WDR19: variants seen among roughly 807,000 people sequenced by gnomAD.
WDR19 encodes the protein WD repeat domain 19.
A neutral mutation model predicts 180.0 loss-of-function variants in WDR19; 121 were observed. The observed-to-expected ratio is 0.67, with a 90% CI of 0.58 to 0.78. WDR19 has a LOEUF of 0.78. Among genes scored for constraint, WDR19 ranks in the 30% least tolerant of loss-of-function variants. WDR19 has a pLI of 0.00. For missense variants in WDR19, 1,450 were observed against 1,640.7 expected (o/e 0.88, Z 2.01); for synonymous variants, 497 against 540.7 (o/e 0.92, Z 1.12).
At chr4:39,241,522 G>T (rs1731947016) in intron 21 of WDR19, among the ~76,000 whole-genome samples, 1 of 149,720 alleles carries the variant, frequency 6.7e-6, no homozygotes, top group African/African-American at 2.5e-5. Context: ...TGGGTCCGGG[G>T]CCGGGCACAG....
intron 31 of WDR19, among the ~76,000 whole-genome samples, chr4:39,270,387 T>G (rs527571213): frequency 3.0e-4 from 46 of 152,226 alleles, no homozygotes; most frequent in African/African-American, 1.1e-3. Context: ...TTGTTTTGTT[T>G]TGTTTTTGAG....
intron 17 of WDR19, among the ~76,000 whole-genome samples, chr4:39,229,603 G>A (rs1038129452): frequency 1.1e-4 from 17 of 151,424 alleles, no homozygotes; most frequent in Admixed American, 1.3e-4. Context: ...TTCCTTTGAC[G>A]TTCTAATTCT....
At chr4:39,222,938 T>C (rs1729847652) in intron 14 of WDR19, among the ~76,000 whole-genome samples, 1 of 152,226 alleles carries the variant, frequency 6.6e-6, no homozygotes, top group Non-Finnish European at 1.5e-5. Context: ...TTTTGCCATT[T>C]CAATAATGTG....
intron 27 of WDR19, among the ~76,000 whole-genome samples, chr4:39,256,223 T>C (rs1403178569): frequency 6.6e-6 from 1 of 152,240 alleles, no homozygotes; most frequent in Admixed American, 6.5e-5. Flanking sequence ...CTTCTGATTA[T>C]TGCAGTAGTT....
intron 4 of WDR19, among the ~76,000 whole-genome samples, chr4:39,192,456 C>A (rs564198364): frequency 4.7e-4 from 72 of 152,034 alleles, no homozygotes; most frequent in Non-Finnish European, 8.2e-4. Flanking sequence ...AATTGTAGCA[C>A]AGTTGTTTTT....
chr4:39,250,020 A>G (rs1047149698), intron 24 of WDR19, among the ~76,000 whole-genome samples: 2 of 152,210 alleles, frequency 1.3e-5, no homozygotes, highest in Non-Finnish European at 2.9e-5. Context: ...CCTGATACCA[A>G]AGCCTGGCAG....
rs1560545887 is a variant in WDR19, at chr4:39,257,603, A to G, written c.3183+49A>G. ...TTCAATAATGCCAATTTTTTAAAAAACTTCTTGAAAAAAATTTTAAATATA... is the reference window on the plus strand; with the variant it reads ...TTCAATAATGCCAATTTTTTAAAAAGCTTCTTGAAAAAAATTTTAAATATA... On this transcript the variant is annotated intron_variant, in intron 28 of 36. Transcript: ENST00000399820. The G allele has an allele frequency of 2.6e-6, 4 of 1,523,554 alleles. No individual in the cohort carries two copies. The Admixed American group carries it at 8.1e-5, about 31-fold the overall frequency. The allele number at this position is 1,523,554 out of a possible 1,614,324, so 94.4% of individuals were successfully genotyped here. A position where few individuals can be genotyped will look rare whatever the true frequency, so the allele number is the denominator to read the frequency against.
intron 3 of WDR19, among the ~76,000 whole-genome samples, chr4:39,188,178 T>C (rs144784564): frequency 5.5e-4 from 84 of 152,160 alleles, no homozygotes; most frequent in Admixed American, 4.6e-3. Flanking sequence ...ATGAAAAATA[T>C]ATGTAATACC....
At chr4:39,212,837 A>G (rs1337215573) in intron 9 of WDR19, among the ~76,000 whole-genome samples, 2 of 152,218 alleles carry the variant, frequency 1.3e-5, no homozygotes, top group Non-Finnish European at 2.9e-5. Flanking sequence ...ATCTATTTAC[A>G]TATCAATTTA....
At chr4:39,234,654 C>T (rs1282668608) in intron 19 of WDR19, 112 bp from the exon 20 acceptor site, 1 of 719,524 alleles carries the variant, frequency 1.4e-6, no homozygotes, top group Non-Finnish European at 2.5e-6. Flanking sequence ...GATCAAGTTT[C>T]ATTATTTAAA....
chr4:39,188,311 A>T (rs1449659989), intron 3 of WDR19, among the ~76,000 whole-genome samples: 2 of 152,154 alleles, frequency 1.3e-5, no homozygotes, highest in South Asian at 4.1e-4. Context: ...GTTTTTTATA[A>T]TATACATTTT....
chr4:39,247,230 T>C, intron 24 of WDR19, among the ~76,000 whole-genome samples: 2 of 152,182 alleles, frequency 1.3e-5, no homozygotes, highest in African/African-American at 4.8e-5. Context: ...CCACTGCTGA[T>C]ACCCAGGCAA....
At position 39,217,185 on chromosome 4, in the gene WDR19, G is replaced by C; in HGVS notation, c.1301G>C (p.Cys434Ser). ...TATCTGGGAACAGTAGCCAGTATTT[G>C]CCTTCATTCTGACTATGCTGCTGCA... ...MEYLGTVASI[C>S]LHSDYAAALF... Residue 434 changes from cysteine to serine, a missense_variant, in exon 13 of 37, where the codon TGC becomes TCC. Coordinates refer to ENST00000399820, the MANE Select transcript of WDR19 (RefSeq NM_025132.4). 1.2e-6 allele frequency: 2 copies of C among 1,609,052 alleles called. No homozygotes were observed. The highest frequency in any genetic ancestry group is 2.2e-5 in the South Asian group (2 of 89,658).
chr4:39,240,261 CTTA>C lies in WDR19; in HGVS notation c.2364-13_2364-11del. 2.4e-6 allele frequency: 3 copies of C among 1,230,592 alleles called. No individual in the cohort carries two copies. The highest frequency in any genetic ancestry group is 3.1e-6 in the Non-Finnish European group (3 of 961,148). The allele number at this position is 1,230,592 out of a possible 1,614,324, so 76.2% of individuals were successfully genotyped here. ...TATATTAAAATTATTAAAATTCACT[CTTA>C]TTTTTTTTTCAGGGGTGATTATGTA... On this transcript the variant is annotated splice_polypyrimidine_tract_variant and intron_variant, in intron 20 of 36. Coordinates refer to ENST00000399820, the MANE Select transcript of WDR19 (RefSeq NM_025132.4).
chr4:39,190,135 T>C (rs1382588402), intron 4 of WDR19, among the ~76,000 whole-genome samples: 1 of 152,180 alleles, frequency 6.6e-6, no homozygotes, highest in Non-Finnish European at 1.5e-5. Context: ...CTTTTCTCTA[T>C]ATTGACTTTA....
intron 17 of WDR19, among the ~76,000 whole-genome samples, 171 bp downstream of exon 17, chr4:39,228,861 G>C (rs1730569591): frequency 6.6e-6 from 1 of 150,550 alleles, no homozygotes; most frequent in Non-Finnish European, 1.5e-5. Flanking sequence ...CATGGATATA[G>C]TGCATATGGT....
chr4:39,217,611 T>G (rs1387477959), intron 13 of WDR19, among the ~76,000 whole-genome samples: 1 of 152,114 alleles, frequency 6.6e-6, no homozygotes, highest in Non-Finnish European at 1.5e-5. Flanking sequence ...AATCGGGCAT[T>G]TTGTGTGGGG....
In WDR19 at chr4:39,254,026, T is replaced by C. The variant is rs766191424; in HGVS notation, c.2997T>C (p.Ile999=). 1.9e-6 allele frequency: 3 copies of C among 1,607,922 alleles called. No individual in the cohort carries two copies. The highest frequency in any genetic ancestry group is 3.4e-5 in the Admixed American group (2 of 59,110). ...ACAAAATGGAAATCTATGCAGATATTATTGGTAAATATCATTTTTTCCCTG... is the reference window on the plus strand; with the variant it reads ...ACAAAATGGAAATCTATGCAGATATCATTGGTAAATATCATTTTTTCCCTG... ...QHNKMEIYAD[I]IGSEDTTNED... The change falls in exon 26 of 37, where the codon ATT becomes ATC. Residue 999 remains isoleucine, a synonymous_variant. Transcript: ENST00000399820.
intron 2 of WDR19, 96 bp downstream of exon 2, chr4:39,185,913 TTA>T: frequency 9.2e-7 from 1 of 1,088,724 alleles, no homozygotes; most frequent in Non-Finnish European, 1.3e-6. Flanking sequence ...TTTTTTTTTT[TTA>T]AATGGAGTCT....
Sources: gnomAD v4.1 joint callset for allele counts (sites outside exome capture counted in the v4.1 genomes callset) on GRCh38, gnomAD v4.1.1 for gene constraint, MANE v1.5 for transcripts, NCBI Gene and HGNC (gene_info 2026-07-23, HGNC 2026-07-21) for gene names.